The following TRHDE variants were observed in gnomAD, a reference collection of about 807,000 sequenced individuals.
TRHDE encodes the protein thyrotropin-releasing hormone-degrading ectoenzyme.
In TRHDE, 72 loss-of-function variants were observed where a neutral mutation model predicts 125.7. The observed-to-expected ratio is 0.57, with a 90% CI of 0.47 to 0.70. The LOEUF (loss-of-function observed/expected upper bound fraction) is 0.70, where lower values mean the gene tolerates loss of function less well. TRHDE is among the 30% of genes least tolerant of loss of function. The pLI is 0.00. For missense variants in TRHDE, 1,110 were observed against 1,327.1 expected, an observed-to-expected ratio of 0.84 and a Z score of 2.54; for synonymous variants, 509 against 509.1, an observed-to-expected ratio of 1.00 and a Z score of 0.00.
At chr12:72,107,029 C>T (rs891317361) in intron 2 of TRHDE, among the ~76,000 whole-genome samples, 5 of 151,598 alleles carry the variant, frequency 3.3e-5, no homozygotes, top group African/African-American at 1.2e-4. Context: ...TAGACTCAAG[C>T]CAAGTGCTGG....
Position 72,438,763 on chromosome 12 carries a change from C to A in TRHDE, c.1316-30995C>A, listed in dbSNP as rs185471529. On this transcript the variant is annotated intron_variant, in intron 3 of 18. Transcript: ENST00000261180. ...TCACTCTGTTATTACCTTTGCCATGCAGAAGTTTTTTGGTTTGATATAATT... is the reference window on the plus strand; with the variant it reads ...TCACTCTGTTATTACCTTTGCCATGAAGAAGTTTTTTGGTTTGATATAATT... Among the ~76,000 whole-genome samples the A allele has an allele frequency of 3.3e-5, 5 of 151,906 alleles. No individual in the cohort carries two copies. The East Asian group carries it at 9.7e-4, about 29-fold the overall frequency.
intron 12 of TRHDE, among the ~76,000 whole-genome samples, chr12:72,612,556 G>A (rs1872669693): frequency 6.6e-6 from 1 of 152,154 alleles, no homozygotes; most frequent in Non-Finnish European, 1.5e-5. Context: ...AGCTTGGCAA[G>A]CGGCTTATTT....
At chr12:72,253,329 C>G (rs1878727453) in intron 2 of TRHDE, among the ~76,000 whole-genome samples, 1 of 151,994 alleles carries the variant, frequency 6.6e-6, no homozygotes, top group South Asian at 2.1e-4. Context: ...TTAATTCTTC[C>G]TTTTGAAACT....
chr12:72,652,227 A>G, intron 15 of TRHDE, 95 bp from the exon 16 acceptor site: 1 of 850,826 alleles, frequency 1.2e-6, no homozygotes, highest in East Asian at 3.1e-5. Flanking sequence ...AATCTTTTAA[A>G]AAACTGACTG....
upstream of TRHDE, chr12:72,272,175 G>A (rs763957441): frequency 7.7e-5 from 35 of 455,618 alleles, no homozygotes; most frequent in Non-Finnish European, 1.4e-4. The surrounding 1 kb of genome is among the most constrained non-coding windows in gnomAD (Gnocchi z 6.7). Context: ...GGAGTGGGGG[G>A]AGAAAGCGAA....
At chr12:72,471,598 T>G (rs1876653374) in intron 4 of TRHDE, among the ~76,000 whole-genome samples, 1 of 152,224 alleles carries the variant, frequency 6.6e-6, no homozygotes, top group Non-Finnish European at 1.5e-5. Flanking sequence ...AACCAATTAA[T>G]TTCTATGTTA....
chr12:72,381,434 C>A (rs981264499), intron 3 of TRHDE, among the ~76,000 whole-genome samples: 1 of 144,078 alleles, frequency 6.9e-6, no homozygotes, highest in African/African-American at 2.6e-5. Flanking sequence ...CTCGCTCTGT[C>A]GCCCAGGCTG....
intron 2 of TRHDE, among the ~76,000 whole-genome samples, chr12:72,372,061 C>CTGACT (rs2135765993): frequency 6.6e-6 from 1 of 152,250 alleles, no homozygotes; most frequent in African/African-American, 2.4e-5. Flanking sequence ...CTGTTGTTTC[C>CTGACT]TGACTTTTTA....
intron 6 of TRHDE, among the ~76,000 whole-genome samples, chr12:72,527,947 A>G (rs1868367460): frequency 6.6e-6 from 1 of 152,144 alleles, no homozygotes; most frequent in Non-Finnish European, 1.5e-5. Context: ...ATAATAAATA[A>G]CTTTTTAAAG....
At chr12:72,578,755 T>C (rs1484587271) in intron 12 of TRHDE, among the ~76,000 whole-genome samples, 1 of 152,196 alleles carries the variant, frequency 6.6e-6, no homozygotes, top group Non-Finnish European at 1.5e-5. Flanking sequence ...CCACGACTTG[T>C]TGTGAGATTA....
At chr12:72,312,239 G>T (rs1056729927) in intron 2 of TRHDE, among the ~76,000 whole-genome samples, 3 of 152,158 alleles carry the variant, frequency 2.0e-5, no homozygotes, top group African/African-American at 7.2e-5. Flanking sequence ...TATGCAGCAT[G>T]ATGACTTTTC....
intron 3 of TRHDE, among the ~76,000 whole-genome samples, chr12:72,387,803 G>A (rs761664088): frequency 6.6e-6 from 1 of 152,044 alleles, no homozygotes; most frequent in African/African-American, 2.4e-5. Context: ...CTTTCGCTTG[G>A]TTCTCATTCT....
intron 2 of TRHDE, among the ~76,000 whole-genome samples, chr12:72,142,563 G>T (rs1034190060): frequency 1.3e-5 from 2 of 152,050 alleles, no homozygotes; most frequent in African/African-American, 2.4e-5. Flanking sequence ...CCCTGCAAAG[G>T]TCTCACCCTC....
chr12:72,644,978 G>A (rs1874222342), intron 15 of TRHDE, among the ~76,000 whole-genome samples: 1 of 152,192 alleles, frequency 6.6e-6, no homozygotes, highest in Non-Finnish European at 1.5e-5. Flanking sequence ...AGTTAGTAGA[G>A]GTTCCCAGAA....
chr12:72,237,747 T>C (rs986380669), intron 2 of TRHDE, among the ~76,000 whole-genome samples: 3 of 152,196 alleles, frequency 2.0e-5, no homozygotes, highest in African/African-American at 7.2e-5. Context: ...GTGGGTCAAT[T>C]AAACCTTCTT....
At chr12:72,286,426 C>A (rs1261925064) in intron 1 of TRHDE, among the ~76,000 whole-genome samples, 8 of 152,284 alleles carry the variant, frequency 5.3e-5, no homozygotes, top group African/African-American at 1.9e-4. Flanking sequence ...TGTAATGTTT[C>A]ATCTAATGAG....
chr12:72,290,030 TAGTATTTACGTATTC>T (rs1880028233), intron 2 of TRHDE, among the ~76,000 whole-genome samples: 1 of 152,234 alleles, frequency 6.6e-6, no homozygotes, highest in Non-Finnish European at 1.5e-5. Flanking sequence ...TTAGGAACAC[TAGTATTTACGTATTC>T]ACGAATTGCT....
At chr12:72,222,584 A>T (rs1341805949) in intron 2 of TRHDE, among the ~76,000 whole-genome samples, 2 of 152,120 alleles carry the variant, frequency 1.3e-5, no homozygotes, top group Admixed American at 1.3e-4. Context: ...CCAAGGTGAT[A>T]TTGATGCTAC....
chr12:72,650,251 T>C (rs1874452096), intron 15 of TRHDE, among the ~76,000 whole-genome samples: 1 of 152,232 alleles, frequency 6.6e-6, no homozygotes. Flanking sequence ...CCTGGAGGAC[T>C]TTATGCTCAG....
Sources: allele counts gnomAD v4.1 joint callset (sites outside exome capture counted in the v4.1 genomes callset), GRCh38; gene constraint gnomAD v4.1.1; non-coding constraint Gnocchi (gnomAD v3.1); transcripts MANE v1.5; gene names NCBI Gene and HGNC (gene_info 2026-07-23, HGNC 2026-07-21).